The following SGCZ variants were observed in gnomAD, a reference collection of about 807,000 sequenced individuals.
SGCZ encodes zeta-sarcoglycan.
Under a neutral mutation model 41.3 loss-of-function variants are expected in SGCZ, and 40 were observed. That is an observed-to-expected ratio of 0.97 (90% CI 0.75 to 1.26). The LOEUF is 1.26. Among genes scored for constraint, SGCZ ranks in the 50% most tolerant of loss-of-function variants. SGCZ has a pLI of 0.00. For synonymous variants in SGCZ, 206 were observed against 137.5 expected, an observed-to-expected ratio of 1.50 and a Z score of -3.49; for missense variants, 552 against 369.8, an observed-to-expected ratio of 1.49 and a Z score of -4.04.
chr8:15,070,580 T>C (rs939111077), intron 1 of SGCZ, among the ~76,000 whole-genome samples: 1 of 152,110 alleles, frequency 6.6e-6, no homozygotes, highest in Non-Finnish European at 1.5e-5. Context: ...ATAGGGCCCA[T>C]GGGCCTTCCA....
intron 1 of SGCZ, among the ~76,000 whole-genome samples, chr8:14,594,694 A>G (rs905438188): frequency 8.5e-5 from 13 of 152,050 alleles, no homozygotes; most frequent in Admixed American, 8.5e-4. Context: ...CAAATTAAAA[A>G]TAAAATATGA....
chr8:14,847,339 T>A (rs1213483498), intron 1 of SGCZ, among the ~76,000 whole-genome samples: 2 of 152,110 alleles, frequency 1.3e-5, no homozygotes, highest in Non-Finnish European at 2.9e-5. Context: ...TGGACCAATA[T>A]CCCTCATGAA....
intron 1 of SGCZ, among the ~76,000 whole-genome samples, chr8:14,632,322 C>T (rs1252892725): frequency 6.6e-6 from 1 of 152,036 alleles, no homozygotes; most frequent in Non-Finnish European, 1.5e-5. Context: ...CATGCCCAGA[C>T]AGTGCTTACA....
chr8:14,096,902 A>T (rs1801863179), intron 7 of SGCZ, among the ~76,000 whole-genome samples: 1 of 151,996 alleles, frequency 6.6e-6, no homozygotes. Context: ...AGAGGTGTTT[A>T]TATTATTCTC....
intron 1 of SGCZ, among the ~76,000 whole-genome samples, chr8:14,575,303 T>G (rs558402609): frequency 6.6e-6 from 1 of 152,236 alleles, no homozygotes; most frequent in African/African-American, 2.4e-5. Flanking sequence ...TATGGCTACT[T>G]TGAGTTGAAT....
intron 1 of SGCZ, among the ~76,000 whole-genome samples, chr8:14,977,570 T>G (rs574685539): frequency 7.5e-4 from 114 of 152,216 alleles, no homozygotes; most frequent in African/African-American, 2.7e-3. Context: ...TACAGGCCAA[T>G]CACCTTAATC....
intron 1 of SGCZ, among the ~76,000 whole-genome samples, chr8:14,585,985 A>C (rs1230112551): frequency 2.0e-5 from 3 of 152,114 alleles, no homozygotes; most frequent in African/African-American, 7.2e-5. Flanking sequence ...ATATCTCCAA[A>C]AGCAAATAAA....
intron 1 of SGCZ, among the ~76,000 whole-genome samples, chr8:14,949,017 C>G (rs1296079104): frequency 6.6e-6 from 1 of 152,022 alleles, no homozygotes. Context: ...CACAAAGATT[C>G]CCCTCACATA....
At chr8:15,008,801 GGAGGAGGGAGGGACGGAGGGAGGA>G (rs1563432740) in intron 1 of SGCZ, among the ~76,000 whole-genome samples, 1 of 92,760 alleles carries the variant, frequency 1.1e-5, no homozygotes, top group African/African-American at 4.1e-5. Context: ...CGGAGGGAGG[GGAGGAGGGAGGGACGGAGGGAGGA>G]AGGGAGAGAG....
At chr8:15,123,766 A>T (rs1446174474) in intron 1 of SGCZ, among the ~76,000 whole-genome samples, 1 of 152,212 alleles carries the variant, frequency 6.6e-6, no homozygotes, top group Non-Finnish European at 1.5e-5. Context: ...TAAATAGGAA[A>T]CATAATGCGA....
intron 1 of SGCZ, among the ~76,000 whole-genome samples, chr8:14,824,550 GC>G (rs1802226400): frequency 6.6e-6 from 1 of 151,802 alleles, no homozygotes; most frequent in Non-Finnish European, 1.5e-5. Context: ...TCATGCCCTG[GC>G]TTCCATAATA....
intron 2 of SGCZ, among the ~76,000 whole-genome samples, chr8:14,535,590 G>A (rs998804477): frequency 2.0e-5 from 3 of 151,744 alleles, no homozygotes; most frequent in African/African-American, 7.3e-5. Flanking sequence ...AACTTCTTTT[G>A]CAGTGTTAAG....
intron 1 of SGCZ, among the ~76,000 whole-genome samples, chr8:14,612,399 G>A (rs536276784): frequency 4.6e-5 from 7 of 152,248 alleles, no homozygotes; most frequent in Admixed American, 1.3e-4. Context: ...ACCTTCTGCC[G>A]TGATTGTAAG....
At chr8:15,210,270 T>C (rs1399131057) in intron 1 of SGCZ, among the ~76,000 whole-genome samples, 1 of 152,108 alleles carries the variant, frequency 6.6e-6, no homozygotes, top group African/African-American at 2.4e-5. Context: ...CACTTTTAGA[T>C]GGATTTACTG....
At position 14,932,690 on chromosome 8, in the gene SGCZ, G is replaced by C. The variant is rs895710751; in HGVS notation, c.39+304895C>G. 2.6e-5 allele frequency among the ~76,000 whole-genome samples: 4 copies of C among 152,006 alleles called. No individual in the cohort carries two copies. In the South Asian group the frequency reaches 8.3e-4, roughly 32 times the overall value. ...AGTGTAGGATTGTGGATCCAACAGA[G>C]AGCCCACATGACCTTCAAGCACATG... On this transcript the variant is annotated intron_variant, in intron 1 of 7. Coordinates refer to ENST00000382080, the MANE Select transcript of SGCZ (RefSeq NM_139167.4).
chr8:14,184,029 C>T (rs910909136), intron 4 of SGCZ, among the ~76,000 whole-genome samples: 21 of 151,926 alleles, frequency 1.4e-4, no homozygotes, highest in African/African-American at 2.2e-4. Context: ...TATTAGAAAA[C>T]GAAAGGTAAA....
chr8:14,249,083 G>A (rs1799200390), intron 3 of SGCZ, among the ~76,000 whole-genome samples: 1 of 152,176 alleles, frequency 6.6e-6, no homozygotes, highest in Non-Finnish European at 1.5e-5. Context: ...AGGTCTGTGA[G>A]AGTGTTTCTC....
At chr8:15,192,832 A>G (rs548659227) in intron 1 of SGCZ, among the ~76,000 whole-genome samples, 2 of 152,248 alleles carry the variant, frequency 1.3e-5, no homozygotes, top group South Asian at 4.1e-4. Context: ...TCTCACTCCA[A>G]GAAAACAAAA....
intron 2 of SGCZ, among the ~76,000 whole-genome samples, chr8:14,349,142 T>A (rs1362351153): frequency 6.6e-6 from 1 of 152,104 alleles, no homozygotes; most frequent in Non-Finnish European, 1.5e-5. Context: ...ATTCGTATGT[T>A]GTCAGTAATA....
Sources: allele counts gnomAD v4.1 joint callset (sites outside exome capture counted in the v4.1 genomes callset), GRCh38; gene constraint gnomAD v4.1.1; transcripts MANE v1.5; gene names NCBI Gene and HGNC (gene_info 2026-07-23, HGNC 2026-07-21).